The following RBFOX1 variants were observed in gnomAD, a reference collection of about 807,000 sequenced individuals.
RBFOX1 encodes RNA binding fox-1 homolog 1.
A neutral mutation model predicts 57.7 loss-of-function variants in RBFOX1; 8 were observed. The observed-to-expected ratio is 0.14, with a 90% CI of 0.08 to 0.25. The LOEUF (loss-of-function observed/expected upper bound fraction) is 0.25, where lower values mean the gene tolerates loss of function less well. Ranked by LOEUF, RBFOX1 falls within the 10% of genes least tolerant of loss-of-function variation. The probability of loss-of-function intolerance (pLI) is 1.00; values close to 1 mark genes in which losing one functional copy is unlikely to be tolerated. For missense variants in RBFOX1, 611 were observed against 548.5 expected (o/e 1.11, Z -1.14); for synonymous variants, 326 against 222.4 (o/e 1.47, Z -4.15).
At chr16:6,952,265 T>C (rs1030888883) in intron 3 of RBFOX1, among the ~76,000 whole-genome samples, 11 of 152,184 alleles carry the variant, frequency 7.2e-5, no homozygotes, top group African/African-American at 2.7e-4. Context: ...GATTTCTGGT[T>C]CTAAAAGAAC....
intron 3 of RBFOX1, among the ~76,000 whole-genome samples, chr16:5,668,763 G>A (rs2049928010): frequency 6.6e-6 from 1 of 152,090 alleles, no homozygotes; most frequent in African/African-American, 2.4e-5. Context: ...TAGGTGCCTG[G>A]TCTAACATAT....
intron 1 of RBFOX1, among the ~76,000 whole-genome samples, chr16:5,358,726 T>C (rs2341527): frequency 1 from 152,246 of 152,374 alleles, 76,059 homozygotes; most frequent in Non-Finnish European, 1. Flanking sequence ...ACTGGGGAGG[T>C]TGAGGCAGGA....
chr16:6,254,016 C>G (rs1040386770), intron 1 of RBFOX1, among the ~76,000 whole-genome samples: 2 of 152,198 alleles, frequency 1.3e-5, no homozygotes, highest in Admixed American at 6.5e-5. Context: ...CAAACATACA[C>G]CAGGGGACTT....
chr16:6,942,390 G>T (rs1257777395), intron 3 of RBFOX1, among the ~76,000 whole-genome samples: 2 of 152,040 alleles, frequency 1.3e-5, no homozygotes, highest in African/African-American at 4.8e-5. Flanking sequence ...GAACCCTTGG[G>T]TTCAAACCAC....
At chr16:5,518,198 A>G (rs1308187839) in intron 2 of RBFOX1, among the ~76,000 whole-genome samples, 1 of 152,248 alleles carries the variant, frequency 6.6e-6, no homozygotes, top group Non-Finnish European at 1.5e-5. Flanking sequence ...ATTTAATGTG[A>G]TGGATGATGT....
At chr16:6,134,808 G>C (rs1308200486) in intron 1 of RBFOX1, among the ~76,000 whole-genome samples, 1 of 151,194 alleles carries the variant, frequency 6.6e-6, no homozygotes, top group Non-Finnish European at 1.5e-5. Context: ...TCTTATGTGA[G>C]GGGTCCATTC....
intron 1 of RBFOX1, among the ~76,000 whole-genome samples, chr16:6,279,421 T>C (rs1232634241): frequency 6.6e-6 from 1 of 152,222 alleles, no homozygotes; most frequent in East Asian, 1.9e-4. Flanking sequence ...AGTAAGTCTT[T>C]GACAATCTGT....
intron 3 of RBFOX1, among the ~76,000 whole-genome samples, chr16:5,688,660 A>G (rs1004968154): frequency 6.6e-6 from 1 of 152,212 alleles, no homozygotes; most frequent in Admixed American, 6.5e-5. Context: ...AGAGAAATTC[A>G]TTACCTACCC....
chr16:5,373,299 C>G (rs1188228748), intron 1 of RBFOX1, among the ~76,000 whole-genome samples: 2 of 152,162 alleles, frequency 1.3e-5, no homozygotes, highest in African/African-American at 2.4e-5. Context: ...TTTATGTCCC[C>G]AAGCAAATTT....
intron 4 of RBFOX1, among the ~76,000 whole-genome samples, chr16:5,976,395 A>G (rs1045841090): frequency 6.6e-6 from 1 of 152,178 alleles, no homozygotes; most frequent in African/African-American, 2.4e-5. Flanking sequence ...AGAAGAGCGG[A>G]ATAAACGCTA....
intron 1 of RBFOX1, among the ~76,000 whole-genome samples, chr16:6,286,090 T>A (rs2076879410): frequency 2.0e-5 from 3 of 152,170 alleles, no homozygotes; most frequent in Admixed American, 6.5e-5. Flanking sequence ...CGTATGGCCC[T>A]CTTTCCAGGA....
intron 3 of RBFOX1, among the ~76,000 whole-genome samples, chr16:6,869,645 T>TTA (rs1439666424): frequency 6.6e-6 from 1 of 152,178 alleles, no homozygotes; most frequent in Non-Finnish European, 1.5e-5. Flanking sequence ...CTCTGACGTG[T>TTA]TAGAACTAGG....
At chr16:5,801,222 T>C (rs775145683) in intron 3 of RBFOX1, among the ~76,000 whole-genome samples, 1 of 152,188 alleles carries the variant, frequency 6.6e-6, no homozygotes, top group African/African-American at 2.4e-5. Flanking sequence ...TTTTACTAAT[T>C]ATAAATGCAA....
chr16:7,338,410 T>C (rs80029823), intron 4 of RBFOX1, among the ~76,000 whole-genome samples: 2,161 of 152,230 alleles, frequency 0.014, 56 homozygotes, highest in African/African-American at 0.049. Flanking sequence ...TTTTATTTCT[T>C]TTAGAGAAAG....
At chr16:5,970,740 G>A (rs999980403) in intron 4 of RBFOX1, among the ~76,000 whole-genome samples, 7 of 152,180 alleles carry the variant, frequency 4.6e-5, no homozygotes, top group African/African-American at 1.7e-4. Flanking sequence ...GAAATTGACT[G>A]AAATGGCACT....
intron 3 of RBFOX1, among the ~76,000 whole-genome samples, chr16:5,630,284 C>G (rs1374635028): frequency 6.6e-6 from 1 of 152,084 alleles, no homozygotes; most frequent in African/African-American, 2.4e-5. Flanking sequence ...TGGTGAAACC[C>G]TGTGTCTACT....
In RBFOX1 at chr16:7,207,889, A is replaced by G. The variant is rs180927354; in HGVS notation, c.27+155791A>G. 1.1e-4 allele frequency among the ~76,000 whole-genome samples: 16 copies of G among 152,316 alleles called. No homozygotes were observed. The East Asian group carries it at 3.1e-3, about 29-fold the overall frequency. On this transcript the variant is annotated intron_variant, in intron 4 of 15. Transcript: ENST00000550418. ...AGCTAAGGAGAAGATAAATGGTGAC[A>G]GTGAGAGTTGAACTCCACAGGGTGC...
rs190973064 is a variant in RBFOX1, at chr16:6,694,496, C to G, written c.-16+39846C>G. On this transcript the variant is annotated intron_variant, in intron 3 of 15. Transcript: ENST00000550418. The stretch of plus-strand genomic sequence containing the variant: ...GTTGATGATCCAAACCTGCCTGACC[C>G]AAGGAAATTCCTAAGTGTTTTAGTT... 4.4e-3 allele frequency among the ~76,000 whole-genome samples: 669 copies of G among 152,238 alleles called. 4 individuals carry two copies. Among genetic ancestry groups the G allele is most frequent in the African/African-American group, 0.015 (629 of 41,516 alleles).
intron 4 of RBFOX1, among the ~76,000 whole-genome samples, chr16:5,993,144 C>A (rs2060430486): frequency 6.6e-6 from 1 of 152,114 alleles, no homozygotes; most frequent in African/African-American, 2.4e-5. Context: ...AAGGTTGAAC[C>A]AGTGACCTTT....
Sources: gnomAD v4.1 joint callset for allele counts (sites outside exome capture counted in the v4.1 genomes callset) on GRCh38, gnomAD v4.1.1 for gene constraint, MANE v1.5 for transcripts, NCBI Gene and HGNC (gene_info 2026-07-23, HGNC 2026-07-21) for gene names.